SNAPC5: variants seen among roughly 807,000 people sequenced by gnomAD.
SNAPC5 encodes small nuclear RNA activating complex polypeptide 5.
A neutral mutation model predicts 9.1 loss-of-function variants in SNAPC5; 12 were observed. That is an observed-to-expected ratio of 1.32 (90% confidence interval 0.85 to 2.15). The LOEUF (loss-of-function observed/expected upper bound fraction) is 2.15. SNAPC5 is among the 30% of genes most tolerant of loss of function. The probability of loss-of-function intolerance (pLI) is 0.00; values close to 1 mark genes in which losing one functional copy is unlikely to be tolerated. For missense variants in SNAPC5, 132 were observed against 114.4 expected (o/e 1.15, Z -0.70); for synonymous variants, 52 against 47.3 (o/e 1.10, Z -0.41).
chr15:66,493,126 CAAAA>C (rs1186534508), downstream of SNAPC5, among the ~76,000 whole-genome samples: 3 of 152,146 alleles, frequency 2.0e-5, no homozygotes, highest in South Asian at 4.1e-4. Flanking sequence ...TGTGGATTAA[CAAAA>C]AAAGTATTCT....
chr15:66,494,621 A>C (rs937223563), intron 2 of SNAPC5, 69 bp from the exon 3 acceptor site: 2 of 1,085,634 alleles, frequency 1.8e-6, no homozygotes, highest in African/African-American at 1.6e-5. Context: ...ATTCTTAAAA[A>C]TGACTTAAAA....
downstream of SNAPC5, chr15:66,492,022 A>G (rs1893274164): frequency 2.2e-6 from 1 of 456,556 alleles, no homozygotes; most frequent in Admixed American, 2.3e-5. Context: ...AGCTTTCTGC[A>G]CAACATAGGA....
chr15:66,492,317 A>G (rs1893281204), downstream of SNAPC5: 1 of 253,798 alleles, frequency 3.9e-6, no homozygotes, highest in South Asian at 4.1e-5. Context: ...TTAAAAACAA[A>G]ACTTGGGTAA....
intron 1 of SNAPC5, chr15:66,497,441 A>T: frequency 1.6e-6 from 1 of 616,074 alleles, no homozygotes; most frequent in Non-Finnish European, 2.9e-6. Context: ...CGATTCTGAA[A>T]GATAGGGCCT....
At chr15:66,492,728 C>T (rs1427991432), downstream of SNAPC5, among the ~76,000 whole-genome samples, 2 of 151,918 alleles carry the variant, frequency 1.3e-5, no homozygotes, top group East Asian at 1.9e-4. Context: ...TTATGATCCC[C>T]GCATGAATCT....
chr15:66,496,599 C>G (rs1338830383), intron 1 of SNAPC5, among the ~76,000 whole-genome samples: 2 of 150,916 alleles, frequency 1.3e-5, no homozygotes, highest in Non-Finnish European at 2.9e-5. Context: ...TCTGGGCTCT[C>G]TACAGCTTTG....
At chr15:66,493,403 C>G (rs1893320346), downstream of SNAPC5, 1 of 151,908 alleles carries the variant, frequency 6.6e-6, no homozygotes, top group Non-Finnish European at 1.5e-5. Flanking sequence ...GTGTGTAATC[C>G]CAGCACTTTG....
Position 66,494,490 on chromosome 15 carries a change from C to G in SNAPC5, c.243G>C (p.Lys81Asn). 1 of 1,614,016 alleles carries G rather than the reference C, an allele frequency of 6.2e-7. No homozygotes were observed. Among genetic ancestry groups the G allele is most frequent in the Non-Finnish European group, 8.5e-7 (1 of 1,180,018 alleles). ...INQTTLELST[K>N]SHVTEEEEEE... ...CCTCCTCCTCTTCCGTCACATGACT[C>G]TTTGTGCTCAGCTCCAGGGTTGTTT... The change falls in exon 3 of 3, where the codon AAG becomes AAC. Residue 81 changes from lysine to asparagine, a missense_variant. Coordinates refer to ENST00000316634, the MANE Select transcript of SNAPC5 (RefSeq NM_001329615.2).
chr15:66,490,362 G>A (rs758153424), downstream of SNAPC5: 1 of 756,740 alleles, frequency 1.3e-6, no homozygotes, highest in Non-Finnish European at 2.4e-6. Context: ...TGGCCCCACT[G>A]TTGCTCAGGG....
chr15:66,490,815 A>G, downstream of SNAPC5: 2 of 655,522 alleles, frequency 3.1e-6, no homozygotes. Context: ...TTGTTCCCCT[A>G]AGTGGATTGG....
downstream of SNAPC5, chr15:66,490,885 T>A: frequency 1.9e-6 from 1 of 520,616 alleles, no homozygotes; most frequent in East Asian, 3.4e-5. Flanking sequence ...CAGGCTGAAT[T>A]ACAGTGAAAT....
intron 2 of SNAPC5, 130 bp from the exon 3 acceptor site, chr15:66,494,682 G>A: frequency 1.6e-6 from 1 of 638,166 alleles, no homozygotes; most frequent in East Asian, 2.7e-5. Context: ...AAGAGGTATG[G>A]CCACTTTCCT....
At chr15:66,489,869 G>A, downstream of SNAPC5, 1 of 969,710 alleles carries the variant, frequency 1.0e-6, no homozygotes, top group Non-Finnish European at 1.7e-6. Context: ...CCTGCCCACT[G>A]TGGTCCAGCT....
downstream of SNAPC5, chr15:66,489,926 C>A: frequency 1.4e-6 from 1 of 735,174 alleles, no homozygotes; most frequent in Non-Finnish European, 2.4e-6. Context: ...TTTGCTCTCC[C>A]ATCAGTTTAA....
chr15:66,490,949 G>A (rs1893237008), downstream of SNAPC5: 3 of 447,274 alleles, frequency 6.7e-6, no homozygotes, highest in East Asian at 4.0e-5. Flanking sequence ...CCTGCTCCAT[G>A]ACTGGCTGTC....
chr15:66,496,046 C>T (rs1893421915), intron 1 of SNAPC5, among the ~76,000 whole-genome samples: 1 of 151,766 alleles, frequency 6.6e-6, no homozygotes, highest in African/African-American at 2.4e-5. Context: ...CACTGTGAAA[C>T]CCCGTCTCTA....
chr15:66,496,430 A>T (rs1204005257), intron 1 of SNAPC5, among the ~76,000 whole-genome samples: 1 of 152,010 alleles, frequency 6.6e-6, no homozygotes, highest in Non-Finnish European at 1.5e-5. Flanking sequence ...GCGCCACCGC[A>T]CTCTAGGCTG....
chr15:66,492,653 C>CA (rs1893292486), downstream of SNAPC5, among the ~76,000 whole-genome samples: 2 of 151,940 alleles, frequency 1.3e-5, no homozygotes, highest in South Asian at 4.1e-4. Context: ...TAGATCTGAC[C>CA]ACTTTCATGC....
chr15:66,497,635 G>A lies in SNAPC5; in HGVS notation c.90+7C>T. On this transcript the variant is annotated splice_region_variant and intron_variant, in intron 1 of 2. Transcript: ENST00000316634. ...GGAGGAGGGGCAGGAGAGGGCCGCG[G>A]GGTCACCTTGAGGCGGTTCAGCTGG... 4.3e-6 allele frequency: 7 copies of A among 1,613,572 alleles called. No individual in the cohort carries two copies. Among genetic ancestry groups the A allele is most frequent in the Middle Eastern group, 1.7e-4 (1 of 6,044 alleles).
Sources: allele counts gnomAD v4.1 joint callset (sites outside exome capture counted in the v4.1 genomes callset), GRCh38; gene constraint gnomAD v4.1.1; transcripts MANE v1.5; gene names NCBI Gene and HGNC (gene_info 2026-07-23, HGNC 2026-07-21).